Variants in C5orf47 observed in about 807,000 individuals in gnomAD.
C5orf47 encodes chromosome 5 open reading frame 47.
C5orf47 carries 20 observed loss-of-function variants against 20.6 expected under a neutral mutation model. The observed-to-expected ratio is 0.97, with a 90% CI of 0.68 to 1.41. C5orf47 has a LOEUF of 1.41. Among genes scored for constraint, C5orf47 ranks in the 40% most tolerant of loss-of-function variants. C5orf47 has a pLI of 0.00. For missense variants in C5orf47, 262 were observed against 238.4 expected (o/e 1.10, Z -0.65); for synonymous variants, 106 against 97.3 (o/e 1.09, Z -0.53).
chr5:173,989,587 A>G lies in C5orf47; in HGVS notation c.324A>G (p.Ala108=). 2 of 1,356,204 alleles carry G rather than the reference A, an allele frequency of 1.5e-6. No individual in the cohort carries two copies. The highest frequency in any genetic ancestry group is 9.6e-7 in the Non-Finnish European group (1 of 1,042,390). 84.0% of individuals were successfully genotyped at this position (1,356,204 alleles called of 1,614,324 possible). A position where few individuals can be genotyped will look rare whatever the true frequency, so the allele number is the denominator to read the frequency against. The change falls in exon 1 of 5, where the codon GCA becomes GCG. Residue 108 remains alanine, a splice_region_variant and synonymous_variant. Transcript: ENST00000340147. ...VQSGTRQSAR[A]GLIQKDAAKK... is the part of the protein sequence containing the mutation. Reference sequence around the variant, plus strand: ...GCGGCACCAGACAGTCGGCGCGTGCAGGTGGTGCAGCGGGGCAGGGCGGGA... The same window carrying G: ...GCGGCACCAGACAGTCGGCGCGTGCGGGTGGTGCAGCGGGGCAGGGCGGGA...
chr5:174,000,023 TAGA>T (rs1759167919), intron 3 of C5orf47, among the ~76,000 whole-genome samples: 1 of 152,028 alleles, frequency 6.6e-6, no homozygotes, highest in African/African-American at 2.4e-5. Flanking sequence ...TGGAGGAATG[TAGA>T]AGGTGTGTGT....
At chr5:174,000,874 C>A (rs1759184213) in intron 3 of C5orf47, among the ~76,000 whole-genome samples, 1 of 152,132 alleles carries the variant, frequency 6.6e-6, no homozygotes, top group South Asian at 2.1e-4. Flanking sequence ...CCTGGACATA[C>A]TTCTGAGTGC....
downstream of C5orf47, among the ~76,000 whole-genome samples, chr5:174,007,559 C>CTTTTT (rs113925593): frequency 1.4e-5 from 2 of 138,914 alleles, no homozygotes; most frequent in African/African-American, 5.4e-5. Flanking sequence ...ACTCTCCTAC[C>CTTTTT]TTTTTTTTTT....
chr5:173,991,304 T>C (rs1352347574), intron 1 of C5orf47, among the ~76,000 whole-genome samples: 1 of 152,156 alleles, frequency 6.6e-6, no homozygotes, highest in Non-Finnish European at 1.5e-5. Context: ...CTGCAATAGA[T>C]TTATTTTGTC....
At chr5:173,999,321 A>T (rs1489720251) in intron 2 of C5orf47, among the ~76,000 whole-genome samples, 1 of 152,228 alleles carries the variant, frequency 6.6e-6, no homozygotes, top group African/African-American at 2.4e-5. Flanking sequence ...ATATGTTTAA[A>T]AAATCAAATC....
rs148269585 is a variant in C5orf47 at position 173,994,407 on chromosome 5, G to A, written c.326-3746G>A. 1.3e-3 allele frequency among the ~76,000 whole-genome samples: 204 copies of A among 152,224 alleles called. 1 individual carries two copies. The highest frequency in any genetic ancestry group is 2.4e-3 in the Non-Finnish European group (160 of 68,014). On this transcript the variant is annotated intron_variant, in intron 1 of 4. Coordinates refer to ENST00000340147, the MANE Select transcript of C5orf47 (RefSeq NM_001144954.2). Reference sequence around the variant, plus strand: ...TTTGGAGCTTCTTCTCAGTCCAGCCGCTCCCACCTCCTAGTTCTCCTTCCT... The same window carrying A: ...TTTGGAGCTTCTTCTCAGTCCAGCCACTCCCACCTCCTAGTTCTCCTTCCT...
intron 1 of C5orf47, 134 bp downstream of exon 1, chr5:173,989,722 G>A (rs1758950685): frequency 3.8e-6 from 3 of 791,928 alleles, no homozygotes; most frequent in African/African-American, 3.7e-5. Flanking sequence ...TTGCGAGCAC[G>A]CGCAGGGGCG....
In C5orf47 at chr5:173,989,248, G is replaced by GT; in HGVS notation, c.-14dup. The GT allele has an allele frequency of 7.2e-7, 1 of 1,379,472 alleles. No homozygotes were observed. Among genetic ancestry groups the GT allele is most frequent in the Non-Finnish European group, 9.4e-7 (1 of 1,065,788 alleles). 85.5% of individuals were successfully genotyped at this position (1,379,472 alleles called of 1,614,324 possible). A position where few individuals can be genotyped will look rare whatever the true frequency, so the allele number is the denominator to read the frequency against. ...CGTGTTTGCTGAGGGCCCGGCTGCC[G>GT]TTGACTGAGGCTGCGATGGCGGCGG... On this transcript the variant is annotated 5_prime_UTR_variant, in exon 1 of 5. Transcript: ENST00000340147.
At chr5:174,003,072 A>G (rs1352823987) in intron 4 of C5orf47, among the ~76,000 whole-genome samples, 2 of 152,160 alleles carry the variant, frequency 1.3e-5, no homozygotes, top group East Asian at 3.8e-4. Flanking sequence ...TGATGATGTT[A>G]ACTTTGAGCT....
downstream of C5orf47, among the ~76,000 whole-genome samples, chr5:174,008,710 TA>T (rs530378864): frequency 9.4e-5 from 14 of 149,070 alleles, no homozygotes; most frequent in African/African-American, 3.5e-4. Context: ...CGGGCGCCTG[TA>T]AGTCCCAGCT....
chr5:173,998,130 T>C (rs1352947850), intron 1 of C5orf47, 23 bp from the exon 2 acceptor site: 5 of 1,376,900 alleles, frequency 3.6e-6, no homozygotes, highest in Non-Finnish European at 5.0e-6. Context: ...TGTTGACCTT[T>C]TCACTTTCTT....
chr5:173,992,904 T>C lies in C5orf47; in HGVS notation c.325+3316T>C, dbSNP rs115303411. Among the ~76,000 whole-genome samples, 706 of 152,330 alleles carry C rather than the reference T, an allele frequency of 4.6e-3. 2 individuals carry two copies. Among genetic ancestry groups the C allele is most frequent in the Non-Finnish European group, 7.7e-3 (527 of 68,026 alleles). ...TTTGTTCTTTTCACCTCAGAAACCA[T>C]GCCATTGAAAGACTGCTCCTTTAAA... is the stretch of plus-strand genomic sequence containing the variant. On this transcript the variant is annotated intron_variant, in intron 1 of 4. Coordinates refer to ENST00000340147, the MANE Select transcript of C5orf47 (RefSeq NM_001144954.2).
rs117040277 is a variant in C5orf47 at position 173,989,757 on chromosome 5, C to G, written c.325+169C>G. Among the ~76,000 whole-genome samples, 207 of 152,350 alleles carry G rather than the reference C, an allele frequency of 1.4e-3. 4 individuals are homozygous for G. In the East Asian group the frequency reaches 0.037, roughly 27 times the overall value. ...GAAGGAGAAGCCCAGTAATTCCCTT[C>G]AGAGGGCCAGCTGTGGCCGGCACGG... On this transcript the variant is annotated intron_variant, in intron 1 of 4. Coordinates refer to ENST00000340147, the MANE Select transcript of C5orf47 (RefSeq NM_001144954.2).
intron 1 of C5orf47, among the ~76,000 whole-genome samples, chr5:173,990,132 T>TG (rs1406457157): frequency 1.1e-4 from 16 of 151,834 alleles, no homozygotes; most frequent in African/African-American, 3.9e-4. Context: ...CCAATTTTTT[T>TG]TTTTTTTTTT....
intron 1 of C5orf47, among the ~76,000 whole-genome samples, chr5:173,997,838 C>T (rs967988281): frequency 1.4e-4 from 22 of 152,140 alleles, no homozygotes; most frequent in Admixed American, 6.5e-5. Context: ...TGTAGAGATA[C>T]ACTGGGGCAA....
At chr5:174,007,498 T>C (rs935236363), downstream of C5orf47, among the ~76,000 whole-genome samples, 6 of 152,020 alleles carry the variant, frequency 3.9e-5, no homozygotes, top group Non-Finnish European at 5.9e-5. Context: ...ACAGTTGTAT[T>C]CACATGGGGC....
At chr5:174,001,929 C>T (rs1581197693) in intron 4 of C5orf47, among the ~76,000 whole-genome samples, 1 of 151,556 alleles carries the variant, frequency 6.6e-6, no homozygotes, top group East Asian at 1.9e-4. Context: ...CTGAAATCTA[C>T]ATACAGTTAT....
chr5:173,998,079 A>G, intron 1 of C5orf47, 74 bp from the exon 2 acceptor site: 4 of 892,388 alleles, frequency 4.5e-6, no homozygotes, highest in Non-Finnish European at 6.9e-6. Flanking sequence ...CTCAAGAAAC[A>G]TTTATATGGT....
Position 173,989,369 on chromosome 5 carries a change from G to A in C5orf47, c.106G>A (p.Gly36Arg), listed in dbSNP as rs1052977122. 6.6e-7 allele frequency: 1 copy of A among 1,522,630 alleles called. No individual in the cohort carries two copies. Among genetic ancestry groups the A allele is most frequent in the Non-Finnish European group, 8.8e-7 (1 of 1,132,350 alleles). The allele number at this position is 1,522,630 out of a possible 1,614,324, so 94.3% of individuals were successfully genotyped here. Residue 36 changes from glycine to arginine, a missense_variant, in exon 1 of 5, where the codon GGA (glycine) becomes AGA (arginine). Coordinates refer to ENST00000340147, the MANE Select transcript of C5orf47 (RefSeq NM_001144954.2). ...TGGCGTCCTGCAACTGGGCGGCCGT[G>A]GAGCTCAAGGCCTTTGGGGTCAGGG... ...CSGVLQLGGR[G>R]AQGLWGQGPG...
Sources: gnomAD v4.1 joint callset for allele counts (sites outside exome capture counted in the v4.1 genomes callset) on GRCh38, gnomAD v4.1.1 for gene constraint, MANE v1.5 for transcripts, NCBI Gene and HGNC (gene_info 2026-07-23, HGNC 2026-07-21) for gene names.